Variants in ALG9 observed in about 807,000 individuals in gnomAD.
ALG9 encodes the protein alpha-1,2-mannosyltransferase ALG9.
ALG9 carries 55 observed loss-of-function variants against 81.8 expected under a neutral mutation model. The observed-to-expected ratio is 0.67, with a 90% CI of 0.54 to 0.84. The LOEUF (loss-of-function observed/expected upper bound fraction) is 0.84, where lower values mean the gene tolerates loss of function less well. ALG9 is among the 40% of genes least tolerant of loss of function. The pLI is 0.00. For missense variants in ALG9, 629 were observed against 745.0 expected (o/e 0.84, Z 1.81); for synonymous variants, 278 against 274.3 (o/e 1.01, Z -0.13).
At position 111,846,733 on chromosome 11, in the gene ALG9, A is replaced by G. The variant is rs146922988; in HGVS notation, c.896-2010T>C. 9.2e-5 allele frequency among the ~76,000 whole-genome samples: 14 copies of G among 152,324 alleles called. No individual in the cohort carries two copies. The East Asian group carries it at 1.9e-3, about 21-fold the overall frequency. ...AAAGGGAACAAAAAGAGTGACTTCT[A>G]TCAGCCAGAGTCCTCCCCTGCTTGA... is the stretch of plus-strand genomic sequence containing the variant. On this transcript the variant is annotated intron_variant, in intron 8 of 14. Coordinates refer to ENST00000616540, the MANE Select transcript of ALG9 (RefSeq NM_024740.2).
chr11:111,813,056 C>T (rs1456434796), intron 13 of ALG9, among the ~76,000 whole-genome samples: 1 of 92,142 alleles, frequency 1.1e-5, no homozygotes, highest in African/African-American at 4.3e-5. Context: ...AAGCGACTGT[C>T]TTTTCACCAG....
chr11:111,838,122 T>C, intron 11 of ALG9, 127 bp downstream of exon 11: 1 of 1,071,564 alleles, frequency 9.3e-7, no homozygotes, highest in Non-Finnish European at 1.4e-6. Flanking sequence ...ATATTAAGTC[T>C]ACAGGTTCTC....
chr11:111,864,830 T>C (rs1232884406), intron 4 of ALG9, among the ~76,000 whole-genome samples: 1 of 151,836 alleles, frequency 6.6e-6, no homozygotes, highest in South Asian at 2.1e-4. Flanking sequence ...CAGGCTGGAG[T>C]GCAATGGCAC....
At chr11:111,792,870 T>G (rs1377351579) in intron 14 of ALG9, among the ~76,000 whole-genome samples, 1 of 152,256 alleles carries the variant, frequency 6.6e-6, no homozygotes, top group Non-Finnish European at 1.5e-5. Context: ...TAGCATTATC[T>G]ATCTATATCA....
At chr11:111,864,304 C>G in intron 4 of ALG9, 1 of 1,053,792 alleles carries the variant, frequency 9.5e-7, no homozygotes, top group Non-Finnish European at 1.5e-6. Context: ...TTCAACAGCC[C>G]CGGCTGGAGG....
intron 6 of ALG9, among the ~76,000 whole-genome samples, 154 bp downstream of exon 6, chr11:111,857,448 G>A (rs535823454): frequency 6.6e-6 from 1 of 152,344 alleles, no homozygotes. Flanking sequence ...AATCATAATA[G>A]TAAGTGCTAA....
At chr11:111,814,075 T>C (rs1951124868) in intron 13 of ALG9, among the ~76,000 whole-genome samples, 2 of 152,166 alleles carry the variant, frequency 1.3e-5, no homozygotes, top group Admixed American at 6.5e-5. Flanking sequence ...AGTTCAAGAA[T>C]GTTCAAAGTG....
chr11:111,868,690 G>T lies in ALG9; in HGVS notation c.317C>A (p.Ser106Tyr). ...ATAGGAGCGAATGGCATATGCTGGG[G>T]AATATTCCCAAGTCTGAAACCCTTC... is the stretch of plus-strand genomic sequence containing the variant. ...YGEGFQTWEY[S>Y]PAYAIRSYAY... The change falls in exon 3 of 15, where the codon TCC becomes TAC. Residue 106 changes from serine (S) to tyrosine (Y), a missense_variant. Physicochemically the swap from Ser to Tyr is moderately radical, Grantham distance 144. Transcript: ENST00000616540. 6.2e-7 allele frequency: 1 copy of T among 1,613,694 alleles called. No individual in the cohort carries two copies. The highest frequency in any genetic ancestry group is 2.2e-5 in the East Asian group (1 of 44,886).
At chr11:111,781,409 CA>C (rs1945931352), downstream of ALG9, among the ~76,000 whole-genome samples, 1 of 152,098 alleles carries the variant, frequency 6.6e-6, no homozygotes, top group Non-Finnish European at 1.5e-5. Flanking sequence ...CCAGCCTGAA[CA>C]ATGTAACACA....
chr11:111,812,915 C>CAAAAAAAAAAAAAAAAAAA (rs57311061), intron 13 of ALG9, among the ~76,000 whole-genome samples: 6 of 98,766 alleles, frequency 6.1e-5, no homozygotes, highest in African/African-American at 1.6e-4. Flanking sequence ...GACTCTGTCT[C>CAAAAAAAAAAAAAAAAAAA]AAAAAAAAAA....
intron 13 of ALG9, among the ~76,000 whole-genome samples, chr11:111,822,543 C>G (rs1184211327): frequency 2.0e-5 from 3 of 151,748 alleles, no homozygotes; most frequent in Non-Finnish European, 4.4e-5. Flanking sequence ...GAGACCTCGT[C>G]TCTACAAAAA....
chr11:111,871,376 G>T lies in ALG9; in HGVS notation c.107C>A (p.Ala36Glu). The T allele has an allele frequency of 6.5e-7, 1 of 1,532,306 alleles. No homozygotes were observed. The highest frequency in any genetic ancestry group is 8.7e-7 in the Non-Finnish European group (1 of 1,145,256). 94.9% of individuals were successfully genotyped at this position (1,532,306 alleles called of 1,614,324 possible). A position where few individuals can be genotyped will look rare whatever the true frequency, so the allele number is the denominator to read the frequency against. The change falls in exon 1 of 15, where the codon GCG becomes GAG. Residue 36 changes from alanine (A) to glutamate (E), a missense_variant. Around this residue, in one of 3 missense-constraint regions of ALG9, gnomAD observed 344 missense variants for 390.5 expected, o/e 0.88. Transcript: ENST00000616540. ...KLRELLGSRE[A>E]GGAEHRTELS... ...CTCGGTCCGGTGCTCCGCGCCGCCC[G>T]CCTCTCGGCTGCCCAGCAGCTCCCG...
intron 14 of ALG9, among the ~76,000 whole-genome samples, chr11:111,792,904 T>C (rs1216547803): frequency 6.6e-6 from 1 of 152,206 alleles, no homozygotes; most frequent in Non-Finnish European, 1.5e-5. Flanking sequence ...ACTAATTTCT[T>C]CCAGAAGATG....
intron 8 of ALG9, among the ~76,000 whole-genome samples, chr11:111,853,173 A>G (rs1422821628): frequency 6.6e-6 from 1 of 152,130 alleles, no homozygotes; most frequent in Admixed American, 6.6e-5. Flanking sequence ...GAGAGCCAGT[A>G]TTGGAATATC....
Position 111,838,282 on chromosome 11 carries a change from A to C in ALG9, c.1291T>G (p.Leu431Val), listed in dbSNP as rs1555119671. 2 of 1,614,220 alleles carry C rather than the reference A, an allele frequency of 1.2e-6. No individual in the cohort carries two copies. The highest frequency in any genetic ancestry group is 1.7e-6 in the Non-Finnish European group (2 of 1,180,026). ...ALGTVFLFGL[L>V]SFSRSVALFR... is the part of the protein sequence containing the mutation. ...AGTGCCACAGAGCGAGAAAATGACA[A>C]GAGCCCAAACAGGAAGACAGTTCCT... Residue 431 changes from leucine (L) to valine (V), a missense_variant, in exon 11 of 15, where the codon TTG becomes GTG. Leu to Val is a conservative substitution (Grantham distance 32). Around this residue, in one of 3 missense-constraint regions of ALG9, gnomAD observed 264 missense variants for 302.2 expected, o/e 0.87. Transcript: ENST00000616540.
intron 13 of ALG9, among the ~76,000 whole-genome samples, chr11:111,818,316 G>A (rs1481724525): frequency 1.3e-5 from 2 of 152,314 alleles, no homozygotes; most frequent in East Asian, 3.9e-4. Flanking sequence ...ATCATAGAGT[G>A]TATTTACACA....
downstream of ALG9, among the ~76,000 whole-genome samples, chr11:111,779,791 A>T (rs1555056333): frequency 1.3e-5 from 2 of 152,226 alleles, no homozygotes; most frequent in African/African-American, 4.8e-5. Flanking sequence ...AAAAGCTCAT[A>T]CTCAGGTAAA....
chr11:111,861,737 G>T (rs1411944988), intron 4 of ALG9, among the ~76,000 whole-genome samples: 3 of 151,886 alleles, frequency 2.0e-5, no homozygotes, highest in African/African-American at 7.3e-5. Flanking sequence ...TCCTGCCTAA[G>T]TCTCCCAAAG....
chr11:111,865,234 A>G lies in ALG9; in HGVS notation c.423T>C (p.Phe141=). The part of the protein sequence containing the change: ...LQTNKILVFY[F]LRCLLAFVSC... Reference sequence around the variant, plus strand: ...TCACAAAAGCCAGAAGACATCGCAAAAAGTAAAACACAAGAATCTAAAAGA... The same window carrying G: ...TCACAAAAGCCAGAAGACATCGCAAGAAGTAAAACACAAGAATCTAAAAGA... Residue 141 remains phenylalanine (F), a synonymous_variant, in exon 4 of 15, where the codon TTT becomes TTC. Transcript: ENST00000616540. 1 of 1,552,744 alleles carries G rather than the reference A, an allele frequency of 6.4e-7. No individual in the cohort carries two copies. Among genetic ancestry groups the G allele is most frequent in the South Asian group, 1.2e-5 (1 of 83,782 alleles).
Sources: allele counts gnomAD v4.1 joint callset (sites outside exome capture counted in the v4.1 genomes callset), GRCh38; gene constraint gnomAD v4.1.1; regional missense constraint gnomAD v4.1.1; transcripts MANE v1.5; gene names NCBI Gene and HGNC (gene_info 2026-07-23, HGNC 2026-07-21).